Variants in CD109 observed in about 807,000 individuals in gnomAD.
The protein encoded by CD109 is CD109 antigen.
In CD109, 149 loss-of-function variants were observed where a neutral mutation model predicts 165.8. The ratio of observed to expected loss-of-function variants is 0.90; its 90% CI spans 0.79 to 1.03. The LOEUF is 1.03. Ranked by LOEUF, CD109 falls within the 50% of genes least tolerant of loss-of-function variation. The probability of loss-of-function intolerance (pLI) is 0.00; values close to 1 mark genes in which losing one functional copy is unlikely to be tolerated. For synonymous variants in CD109, 585 were observed against 592.1 expected (o/e 0.99, Z 0.18); for missense variants, 1,712 against 1,677.8 (o/e 1.02, Z -0.36).
chr6:73,774,675 G>T (rs1290567870), intron 15 of CD109, among the ~76,000 whole-genome samples: 1 of 152,172 alleles, frequency 6.6e-6, no homozygotes, highest in Non-Finnish European at 1.5e-5. Context: ...TGTGTGTCCT[G>T]AGGCTACCCC....
At chr6:73,720,621 AC>A (rs1771916166) in intron 2 of CD109, among the ~76,000 whole-genome samples, 2 of 152,240 alleles carry the variant, frequency 1.3e-5, no homozygotes, top group South Asian at 4.1e-4. Context: ...TATGTCGCAT[AC>A]CATAAATATA....
chr6:73,790,975 G>A (rs1257179468), intron 22 of CD109, among the ~76,000 whole-genome samples: 1 of 151,548 alleles, frequency 6.6e-6, no homozygotes, highest in Non-Finnish European at 1.5e-5. Context: ...TTTAATTAAT[G>A]ACGTCTAATA....
chr6:73,762,293 T>A, intron 7 of CD109, 91 bp from the exon 8 acceptor site: 1 of 844,140 alleles, frequency 1.2e-6, no homozygotes, highest in East Asian at 2.5e-5. Context: ...AGATTGCTAA[T>A]TGCTAATGTA....
intron 2 of CD109, among the ~76,000 whole-genome samples, chr6:73,703,164 A>T (rs569018101): frequency 2.0e-5 from 3 of 152,348 alleles, no homozygotes; most frequent in Admixed American, 6.5e-5. Context: ...AGTTAGTTGT[A>T]TCTGAGGTCC....
At chr6:73,817,440 C>T (rs956895383) in intron 30 of CD109, among the ~76,000 whole-genome samples, 1 of 152,106 alleles carries the variant, frequency 6.6e-6, no homozygotes, top group Non-Finnish European at 1.5e-5. Flanking sequence ...TCAGTTGCTT[C>T]GGATTGCAGA....
At position 73,712,767 on chromosome 6, in the gene CD109, C is replaced by G. The variant is rs139840953; in HGVS notation, c.248-10484C>G. Among the ~76,000 whole-genome samples the G allele has an allele frequency of 2.0e-3, 312 of 152,240 alleles. 2 individuals are homozygous for G. Among genetic ancestry groups the G allele is most frequent in the African/African-American group, 7.1e-3 (296 of 41,532 alleles). Reference sequence around the variant, plus strand: ...TTTCTTCTGAGTTGCTTAAGCAGCCCTGGGAAGGAGAAAGCATCTGAAAGG... The same window carrying G: ...TTTCTTCTGAGTTGCTTAAGCAGCCGTGGGAAGGAGAAAGCATCTGAAAGG... On this transcript the variant is annotated intron_variant, in intron 2 of 32. Coordinates refer to ENST00000287097, the MANE Select transcript of CD109 (RefSeq NM_133493.5).
rs754801477 is a variant in CD109, at chr6:73,815,117, G to A, written c.3905G>A (p.Cys1302Tyr). Residue 1302 changes from cysteine to tyrosine, a missense_variant, in exon 30 of 33, where the codon TGT (cysteine) becomes TAT (tyrosine). Cys to Tyr is a radical substitution (Grantham distance 194). Coordinates refer to ENST00000287097, the MANE Select transcript of CD109 (RefSeq NM_133493.5). ...DDLNHVDLNV[C>Y]TSFSGPGRSG... ...CTCAATCATGTGGATTTGAATGTGT[G>A]TACAAGGTAAGTGTCTGCTTAGGTC... is the stretch of plus-strand genomic sequence containing the variant. The A allele has an allele frequency of 7.6e-6, 12 of 1,582,628 alleles. No homozygotes were observed. Among genetic ancestry groups the A allele is most frequent in the Admixed American group, 1.9e-5 (1 of 51,602 alleles).
chr6:73,692,043 T>TG (rs11438282), upstream of CD109, among the ~76,000 whole-genome samples: 54,062 of 151,480 alleles, frequency 0.36, 9,890 homozygotes, highest in African/African-American at 0.43. Context: ...CCAAAAGAGG[T>TG]GGGGGGAGGT....
rs763675378 is a variant in CD109 at position 73,787,314 on chromosome 6, GA to G, written c.2419del (p.Thr807ProfsTer42). ...AAATAAATGCCACAGGCCACCAGCA[GA>G]CCCTTCTGGTTCCCAGTGAGGATGG... ...NEINATGHQQ[T>X]LLVPSEDGAT... is the part of the protein sequence containing the mutation. On this transcript the variant is annotated frameshift_variant, in exon 21 of 33. Transcript: ENST00000287097. LOFTEE classifies it high-confidence loss of function. 6.2e-6 allele frequency: 10 copies of G among 1,613,956 alleles called. 1 individual carries two copies. The East Asian group carries it at 2.0e-4, about 32-fold the overall frequency.
rs143082026 is a variant in CD109 at position 73,730,381 on chromosome 6, G to A, written c.314G>A (p.Arg105His). The change falls in exon 4 of 33, where the codon CGT becomes CAT. Residue 105 changes from arginine to histidine, a missense_variant. Arg to His is a conservative substitution (Grantham distance 29). Coordinates refer to ENST00000287097, the MANE Select transcript of CD109 (RefSeq NM_133493.5). ...AGTGCAGATGAGATTTATGAGCTAC[G>A]TGTAACCGGACGTACCCAGGATGAG... ...LNSADEIYEL[R>H]VTGRTQDEIL... The A allele has an allele frequency of 3.4e-3, 5,464 of 1,613,742 alleles. 12 individuals carry two copies. The highest frequency in any genetic ancestry group is 4.3e-3 in the Non-Finnish European group (5,058 of 1,179,708).
intron 5 of CD109, among the ~76,000 whole-genome samples, chr6:73,741,663 T>TTTTTG (rs774614569): frequency 1.3e-5 from 2 of 152,150 alleles, no homozygotes; most frequent in Non-Finnish European, 2.9e-5. Context: ...GCACATGGTT[T>TTTTTG]TTTTGTTTTG....
intron 21 of CD109, among the ~76,000 whole-genome samples, chr6:73,787,878 G>A (rs1774756901): frequency 6.6e-6 from 1 of 152,150 alleles, no homozygotes; most frequent in South Asian, 2.1e-4. Context: ...CTGGGGTGAG[G>A]CAACCCTGTG....
Position 73,825,761 on chromosome 6 carries a change from C to T in CD109, c.*2128C>T, listed in dbSNP as rs1776253627. ...CTGGGAGGCTGAGGCGGGTGAATCA[C>T]AAGGTTAGGAGTTTGAGACCAGCCT... On this transcript the variant is annotated 3_prime_UTR_variant, in exon 33 of 33. Transcript: ENST00000287097. The T allele has an allele frequency of 6.6e-6, 1 of 152,138 alleles. No homozygotes were observed. The highest frequency in any genetic ancestry group is 2.1e-4 in the South Asian group (1 of 4,822). 9.4% of individuals were successfully genotyped at this position (152,138 alleles called of 1,614,324 possible).
At chr6:73,718,356 C>A (rs1771821666) in intron 2 of CD109, among the ~76,000 whole-genome samples, 1 of 152,028 alleles carries the variant, frequency 6.6e-6, no homozygotes, top group Non-Finnish European at 1.5e-5. Flanking sequence ...TTCAGTTTTT[C>A]CCCATTTAGT....
intron 14 of CD109, among the ~76,000 whole-genome samples, chr6:73,771,139 G>A (rs1183949709): frequency 6.6e-6 from 1 of 152,150 alleles, no homozygotes; most frequent in East Asian, 1.9e-4. Flanking sequence ...CTTCTACTCA[G>A]CACTGGCTGG....
chr6:73,682,342 C>G, the CD109 span, among the ~76,000 whole-genome samples: 1 of 152,288 alleles, frequency 6.6e-6, no homozygotes, highest in Non-Finnish European at 1.5e-5. Flanking sequence ...ACGTCCCATG[C>G]AAGTCCAAAA....
chr6:73,772,838 C>A (rs1362708613), intron 15 of CD109, among the ~76,000 whole-genome samples: 1 of 150,708 alleles, frequency 6.6e-6, no homozygotes, highest in Non-Finnish European at 1.5e-5. Context: ...ATTTAGTTTA[C>A]TTCAGAAAAA....
chr6:73,758,239 C>A (rs995572546), intron 6 of CD109, among the ~76,000 whole-genome samples: 1 of 151,380 alleles, frequency 6.6e-6, no homozygotes, highest in Non-Finnish European at 1.5e-5. Flanking sequence ...TGGTGAGGTG[C>A]CTTGTTATGA....
Position 73,730,513 on chromosome 6 carries a change from G to C in CD109, c.446G>C (p.Arg149Pro). The change falls in exon 4 of 33, where the codon CGC becomes CCC. Residue 149 changes from arginine (R) to proline (P), a missense_variant. Arg to Pro is a moderately radical substitution (Grantham distance 103). Transcript: ENST00000287097. Reference sequence around the variant, plus strand: ...AAGCCAAAGCAAGAAGTGAAGTTTCGCATTGTTACACTCTTCTCAGATTTT... The same window carrying C: ...AAGCCAAAGCAAGAAGTGAAGTTTCCCATTGTTACACTCTTCTCAGATTTT... ...LYKPKQEVKF[R>P]IVTLFSDFKP... 6.2e-7 allele frequency: 1 copy of C among 1,614,074 alleles called. No homozygotes were observed. Among genetic ancestry groups the C allele is most frequent in the Non-Finnish European group, 8.5e-7 (1 of 1,179,988 alleles).
Sources: gnomAD v4.1 joint callset for allele counts (sites outside exome capture counted in the v4.1 genomes callset) on GRCh38, gnomAD v4.1.1 for gene constraint, MANE v1.5 for transcripts, NCBI Gene and HGNC (gene_info 2026-07-23, HGNC 2026-07-21) for gene names.